REV3L: variants seen among roughly 807,000 people sequenced by gnomAD.
REV3L encodes the protein REV3 like, DNA directed polymerase zeta catalytic subunit.
Under a neutral mutation model 299.4 loss-of-function variants are expected in REV3L, and 69 were observed. The observed-to-expected ratio is 0.23, with a 90% CI of 0.19 to 0.28. The LOEUF is 0.28. Ranked by LOEUF, REV3L falls within the 10% of genes least tolerant of loss-of-function variation. REV3L has a pLI of 1.00. For synonymous variants in REV3L, 1,238 were observed against 1,271.4 expected, an observed-to-expected ratio of 0.97 and a Z score of 0.56; for missense variants, 3,128 against 3,693.8, an observed-to-expected ratio of 0.85 and a Z score of 3.97.
intron 13 of REV3L, 113 bp from the exon 14 acceptor site, chr6:111,368,141 A>G (rs1779414492): frequency 1.2e-6 from 1 of 839,504 alleles, no homozygotes; most frequent in South Asian, 1.8e-5. Context: ...GTCCATGTCT[A>G]TCTTCCCTGC....
chr6:111,373,481 G>GA lies in REV3L; in HGVS notation c.4873dup (p.Ser1625PhefsTer6). 6.2e-7 allele frequency: 1 copy of GA among 1,611,316 alleles called. No homozygotes were observed. The highest frequency in any genetic ancestry group is 1.3e-5 in the African/African-American group (1 of 74,696). On this transcript the variant is annotated frameshift_variant, in exon 13 of 32. Transcript: ENST00000368802. LOFTEE classifies it high-confidence loss of function. Reference sequence around the variant, plus strand: ...GTAACAACTTTCAAAGCCTGGATCTGAAAAAAAGATGGGACTATCATCTGA... The same window carrying GA: ...GTAACAACTTTCAAAGCCTGGATCTGAAAAAAAAGATGGGACTATCATCTGA...
At chr6:111,380,432 T>C (rs2115125740) in intron 10 of REV3L, among the ~76,000 whole-genome samples, 1 of 152,210 alleles carries the variant, frequency 6.6e-6, no homozygotes, top group East Asian at 1.9e-4. Context: ...GTTAATTTTT[T>C]GTATTTTTAG....
chr6:111,328,769 T>C (rs1775086342), intron 25 of REV3L, among the ~76,000 whole-genome samples: 1 of 152,184 alleles, frequency 6.6e-6, no homozygotes, highest in African/African-American at 2.4e-5. Flanking sequence ...AATGCTGCTT[T>C]AGTCTCTTTT....
At position 111,367,926 on chromosome 6, in the gene REV3L, T is replaced by C. The variant is rs1417099525; in HGVS notation, c.5862A>G (p.Thr1954=). The C allele has an allele frequency of 1.9e-6, 3 of 1,614,204 alleles. No homozygotes were observed. Among genetic ancestry groups the C allele is most frequent in the Non-Finnish European group, 2.5e-6 (3 of 1,180,008 alleles). The change falls in exon 14 of 32, where the codon ACA becomes ACG. Residue 1954 remains threonine, a synonymous_variant. Transcript: ENST00000368802. ...GATTCTGAGTCATTGCTGAGAATGC[T>C]GTTTTCCAAAGACGAAGTCCTTCCA... ...FSLEGLRLWK[T]AFSAMTQNPR... is the part of the protein sequence containing the mutation.
chr6:111,365,831 C>G (rs1779134418), intron 14 of REV3L, among the ~76,000 whole-genome samples: 2 of 152,118 alleles, frequency 1.3e-5, no homozygotes, highest in African/African-American at 4.8e-5. Flanking sequence ...TAGTAACTAA[C>G]TAAGAACAGA....
rs1779398362 is a variant in REV3L at position 111,367,981 on chromosome 6, T to G, written c.5807A>C (p.Asp1936Ala). The G allele has an allele frequency of 6.2e-7, 1 of 1,612,878 alleles. No individual in the cohort carries two copies. The highest frequency in any genetic ancestry group is 1.7e-5 in the Admixed American group (1 of 59,720). The change falls in exon 14 of 32, where the codon GAT (aspartate) becomes GCT (alanine). Residue 1936 changes from aspartate to alanine, a missense_variant. Asp to Ala is a moderately radical substitution (Grantham distance 126, BLOSUM62 -2). Around this residue, in one of 9 missense-constraint regions of REV3L, gnomAD observed 2,409 missense variants for 2,611.8 expected, o/e 0.92. Coordinates refer to ENST00000368802, the MANE Select transcript of REV3L (RefSeq NM_001372078.1). The stretch of plus-strand genomic sequence containing the variant: ...AAAGTCTCCCTCAAACTCAGCCAGA[T>G]CATTTGCAAGTCGAGTTTCTACCAT... The part of the protein sequence containing the change: ...LLMVETRLAN[D>A]LAEFEGDFSL...
chr6:111,417,694 T>A (rs1784917887), intron 1 of REV3L, among the ~76,000 whole-genome samples: 1 of 152,266 alleles, frequency 6.6e-6, no homozygotes, highest in Non-Finnish European at 1.5e-5. Flanking sequence ...AATGTTTACA[T>A]TTCTTATAAA....
chr6:111,442,089 G>A (rs1788331747), intron 1 of REV3L, among the ~76,000 whole-genome samples: 2 of 152,210 alleles, frequency 1.3e-5, no homozygotes, highest in African/African-American at 4.8e-5. Context: ...CTTGGCAAAT[G>A]TTACATGTGA....
intron 1 of REV3L, among the ~76,000 whole-genome samples, chr6:111,467,830 G>C (rs1375564917): frequency 2.0e-5 from 3 of 152,150 alleles, no homozygotes; most frequent in Non-Finnish European, 4.4e-5. Flanking sequence ...GATACTAAGG[G>C]ATGGATACAG....
chr6:111,337,638 C>T (rs1223850852), intron 21 of REV3L, among the ~76,000 whole-genome samples: 1 of 152,068 alleles, frequency 6.6e-6, no homozygotes, highest in South Asian at 2.1e-4. Context: ...TGATAAAGTG[C>T]TTGTTTCCTT....
intron 9 of REV3L, among the ~76,000 whole-genome samples, chr6:111,386,717 A>AT (rs67124715): frequency 0.073 from 7,108 of 97,702 alleles, 424 homozygotes; most frequent in African/African-American, 0.096. Flanking sequence ...TAACAGCACT[A>AT]TTTTTTTTTT....
chr6:111,412,113 C>A, intron 2 of REV3L: 1 of 984,828 alleles, frequency 1.0e-6, no homozygotes, highest in Non-Finnish European at 1.2e-6. Context: ...GACAATGTAC[C>A]TATTATATGT....
At chr6:111,453,164 T>C (rs544065628) in intron 1 of REV3L, among the ~76,000 whole-genome samples, 247 of 152,236 alleles carry the variant, frequency 1.6e-3, no homozygotes, top group African/African-American at 5.5e-3. Context: ...CATCAACATA[T>C]TTCTGGGCAC....
intron 1 of REV3L, among the ~76,000 whole-genome samples, chr6:111,464,770 G>C (rs1296140747): frequency 1.3e-5 from 2 of 152,168 alleles, no homozygotes; most frequent in Non-Finnish European, 2.9e-5. Context: ...GGGAGGCCTA[G>C]ACAGGTGGAC....
At chr6:111,345,549 T>G (rs976457305) in intron 20 of REV3L, among the ~76,000 whole-genome samples, 10 of 152,134 alleles carry the variant, frequency 6.6e-5, no homozygotes, top group South Asian at 2.1e-4. Context: ...CCATCCTACC[T>G]AAGCTACCCA....
chr6:111,307,139 AAC>A (rs1772399506), intron 31 of REV3L, among the ~76,000 whole-genome samples: 2 of 152,200 alleles, frequency 1.3e-5, no homozygotes, highest in South Asian at 2.1e-4. Flanking sequence ...GCTATTAAGA[AAC>A]ACAACACACT....
chr6:111,359,122 G>C (rs1582671045), intron 16 of REV3L, 108 bp from the exon 17 acceptor site: 1 of 838,786 alleles, frequency 1.2e-6, no homozygotes, highest in African/African-American at 1.7e-5. Flanking sequence ...AGAAAAAATG[G>C]ACATAAAGGA....
In REV3L at chr6:111,373,676, T is replaced by C. The variant is rs775832892; in HGVS notation, c.4679A>G (p.Asn1560Ser). Residue 1560 changes from asparagine (N) to serine (S), a missense_variant, in exon 13 of 32, where the codon AAT becomes AGT. Coordinates refer to ENST00000368802, the MANE Select transcript of REV3L (RefSeq NM_001372078.1). ...GTTATGCTCAAGGGAACCAGAAATA[T>C]TTTTATTTGGTTGATGTTTATTGGA... is the stretch of plus-strand genomic sequence containing the variant. ...PLSNKHQPNK[N>S]ISGSLEHNKA... is the part of the protein sequence containing the mutation. 6.2e-7 allele frequency: 1 copy of C among 1,614,018 alleles called. No individual in the cohort carries two copies. Among genetic ancestry groups the C allele is most frequent in the South Asian group, 1.1e-5 (1 of 91,054 alleles).
At chr6:111,442,274 C>T (rs569755002) in intron 1 of REV3L, among the ~76,000 whole-genome samples, 11 of 152,292 alleles carry the variant, frequency 7.2e-5, no homozygotes, top group African/African-American at 2.6e-4. Context: ...AACTGTAACA[C>T]TGGCTTTATC....
Sources: gnomAD v4.1 joint callset for allele counts (sites outside exome capture counted in the v4.1 genomes callset) on GRCh38, gnomAD v4.1.1 for gene constraint, gnomAD v4.1.1 regional missense constraint, MANE v1.5 for transcripts, NCBI Gene and HGNC (gene_info 2026-07-23, HGNC 2026-07-21) for gene names.